Variants in MGAT4C observed in about 807,000 individuals in gnomAD.
The protein encoded by MGAT4C is alpha-1,3-mannosyl-glycoprotein 4-beta-N-acetylglucosaminyltransferase C.
In MGAT4C, 19 loss-of-function variants were observed where a neutral mutation model predicts 40.1. The ratio of observed to expected loss-of-function variants is 0.47; its 90% CI spans 0.33 to 0.70. The LOEUF (loss-of-function observed/expected upper bound fraction) is 0.70, where lower values mean the gene tolerates loss of function less well. Among genes scored for constraint, MGAT4C ranks in the 30% least tolerant of loss-of-function variants. The probability of loss-of-function intolerance (pLI) is 0.02; values close to 1 mark genes in which losing one functional copy is unlikely to be tolerated. For missense variants in MGAT4C, 491 were observed against 563.2 expected (o/e 0.87, Z 1.30); for synonymous variants, 181 against 187.1 (o/e 0.97, Z 0.27).
At chr12:86,061,649 C>T (rs12809288) in intron 1 of MGAT4C, among the ~76,000 whole-genome samples, 84,026 of 151,710 alleles carry the variant, frequency 0.55, 24,105 homozygotes, top group East Asian at 0.92. Context: ...GCCAGCACAG[C>T]GGTCTGAGGT....
intron 2 of MGAT4C, among the ~76,000 whole-genome samples, chr12:86,720,539 T>G (rs1326827672): frequency 6.6e-6 from 1 of 152,164 alleles, no homozygotes; most frequent in East Asian, 1.9e-4. Context: ...CATCTGTTCA[T>G]GATTCAAGTT....
intron 3 of MGAT4C, among the ~76,000 whole-genome samples, chr12:86,432,396 A>G (rs1406953896): frequency 1.3e-5 from 2 of 152,072 alleles, no homozygotes; most frequent in African/African-American, 2.4e-5. Context: ...AGAGATGTGT[A>G]GTAAATATAA....
intron 4 of MGAT4C, among the ~76,000 whole-genome samples, chr12:86,313,205 C>A (rs959769019): frequency 6.6e-6 from 1 of 151,730 alleles, no homozygotes; most frequent in African/African-American, 2.4e-5. Context: ...AATTAAATTC[C>A]AAATAAGCCA....
chr12:86,825,380 G>A (rs924268907), intron 1 of MGAT4C, among the ~76,000 whole-genome samples: 1 of 150,964 alleles, frequency 6.6e-6, no homozygotes, highest in African/African-American at 2.4e-5. Context: ...CTGACGCAAA[G>A]TGATTCATAT....
intron 3 of MGAT4C, among the ~76,000 whole-genome samples, chr12:86,425,021 G>T (rs1956899815): frequency 6.6e-6 from 1 of 152,114 alleles, no homozygotes; most frequent in African/African-American, 2.4e-5. Flanking sequence ...CTCCCGAACT[G>T]CTGTGATAAC....
intron 2 of MGAT4C, among the ~76,000 whole-genome samples, chr12:86,443,178 T>TTA (rs1189443644): frequency 2.6e-5 from 4 of 151,504 alleles, no homozygotes; most frequent in Non-Finnish European, 5.9e-5. Flanking sequence ...TCCACTGACA[T>TTA]TATATATGTG....
chr12:86,525,091 C>G (rs1958858307), intron 2 of MGAT4C, among the ~76,000 whole-genome samples: 1 of 152,120 alleles, frequency 6.6e-6, no homozygotes, highest in Admixed American at 6.5e-5. Flanking sequence ...TGGTTTGGCT[C>G]TGTGGACCCA....
chr12:85,985,317 G>A (rs148496310), intron 3 of MGAT4C, among the ~76,000 whole-genome samples: 5 of 152,212 alleles, frequency 3.3e-5, no homozygotes, highest in African/African-American at 1.2e-4. Context: ...TGAAAAAGAT[G>A]ACTAACTCAG....
intron 2 of MGAT4C, among the ~76,000 whole-genome samples, chr12:86,613,293 A>G (rs1358415888): frequency 6.6e-6 from 1 of 152,190 alleles, no homozygotes; most frequent in Non-Finnish European, 1.5e-5. Flanking sequence ...TTTTCTCTAT[A>G]TAGGTTCTCT....
intron 2 of MGAT4C, among the ~76,000 whole-genome samples, chr12:86,513,628 GA>G (rs981790027): frequency 6.6e-6 from 1 of 151,998 alleles, no homozygotes; most frequent in East Asian, 1.9e-4. Context: ...GTCTGTATGG[GA>G]AAAAAATGAA....
At chr12:86,684,342 C>T (rs1474510404) in intron 2 of MGAT4C, among the ~76,000 whole-genome samples, 1 of 152,184 alleles carries the variant, frequency 6.6e-6, no homozygotes, top group Non-Finnish European at 1.5e-5. Flanking sequence ...TCATCCATGT[C>T]CCTGCAAAAG....
chr12:86,534,239 C>G (rs557642896), intron 2 of MGAT4C, among the ~76,000 whole-genome samples: 109 of 152,174 alleles, frequency 7.2e-4, no homozygotes, highest in African/African-American at 2.6e-3. Flanking sequence ...TCTTTACAAC[C>G]TCTTCTTTTA....
intron 2 of MGAT4C, among the ~76,000 whole-genome samples, chr12:86,661,250 AG>A (rs1963973180): frequency 6.6e-6 from 1 of 152,126 alleles, no homozygotes; most frequent in Non-Finnish European, 1.5e-5. Flanking sequence ...AAAAAAGATT[AG>A]ATTTTAAAAA....
At chr12:86,620,800 G>A (rs58895439) in intron 2 of MGAT4C, among the ~76,000 whole-genome samples, 19,285 of 152,050 alleles carry the variant, frequency 0.13, 1,862 homozygotes, top group African/African-American at 0.27. Flanking sequence ...TCTTCTTGTG[G>A]TAATGAATGA....
intron 2 of MGAT4C, among the ~76,000 whole-genome samples, chr12:86,702,552 A>T (rs1950382772): frequency 1.3e-5 from 2 of 152,212 alleles, no homozygotes; most frequent in African/African-American, 4.8e-5. Flanking sequence ...GCTCTTAAAA[A>T]TAATGCTAAA....
intron 3 of MGAT4C, among the ~76,000 whole-genome samples, chr12:86,385,024 T>A (rs1565722297): frequency 6.6e-6 from 1 of 152,182 alleles, no homozygotes; most frequent in Non-Finnish European, 1.5e-5. Context: ...TTTCCCCTAC[T>A]AAAAAGAATA....
chr12:85,990,163 T>C (rs570467938), intron 2 of MGAT4C, among the ~76,000 whole-genome samples: 3 of 152,114 alleles, frequency 2.0e-5, no homozygotes, highest in East Asian at 3.9e-4. Context: ...AATCCTATAG[T>C]ATTATATTAA....
intron 2 of MGAT4C, among the ~76,000 whole-genome samples, chr12:86,563,360 A>G (rs955078643): frequency 6.6e-6 from 1 of 152,196 alleles, no homozygotes; most frequent in South Asian, 2.1e-4. Flanking sequence ...GAGCTCTGGC[A>G]TGGGCTAATT....
intron 1 of MGAT4C, among the ~76,000 whole-genome samples, chr12:86,207,638 T>C (rs1950310065): frequency 6.6e-6 from 1 of 152,194 alleles, no homozygotes; most frequent in Non-Finnish European, 1.5e-5. Context: ...ATATAGCATA[T>C]ACTATATTCG....
Sources: allele counts gnomAD v4.1 joint callset (sites outside exome capture counted in the v4.1 genomes callset), GRCh38; gene constraint gnomAD v4.1.1; transcripts MANE v1.5; gene names NCBI Gene and HGNC (gene_info 2026-07-23, HGNC 2026-07-21).